COL23A1: variants seen among roughly 807,000 people sequenced by gnomAD.
COL23A1 encodes the protein collagen type XXIII alpha 1 chain, also known as collagen alpha-1(XXIII) chain.
A neutral mutation model predicts 99.3 loss-of-function variants in COL23A1; 97 were observed. The observed-to-expected ratio is 0.98, with a 90% CI of 0.83 to 1.16. The LOEUF is 1.16. Ranked by LOEUF, COL23A1 falls within the 50% of genes most tolerant of loss-of-function variation. COL23A1 has a pLI of 0.00. For synonymous variants in COL23A1, 320 were observed against 308.2 expected, an observed-to-expected ratio of 1.04 and a Z score of -0.40; for missense variants, 762 against 757.4, an observed-to-expected ratio of 1.01 and a Z score of -0.07.
At chr5:178,339,563 G>C (rs2127659490) in intron 2 of COL23A1, among the ~76,000 whole-genome samples, 1 of 152,344 alleles carries the variant, frequency 6.6e-6, no homozygotes, top group East Asian at 1.9e-4. Flanking sequence ...GTGGTGGAGA[G>C]GCATTCTCAC....
At chr5:178,404,867 G>C (rs542414052) in intron 2 of COL23A1, among the ~76,000 whole-genome samples, 5 of 152,170 alleles carry the variant, frequency 3.3e-5, no homozygotes, top group Non-Finnish European at 5.9e-5. Flanking sequence ...CAGTCAGGAA[G>C]ACAAACCTAG....
intron 2 of COL23A1, among the ~76,000 whole-genome samples, chr5:178,442,196 CTCTT>C (rs1249168415): frequency 2.0e-5 from 3 of 151,874 alleles, no homozygotes; most frequent in Non-Finnish European, 4.4e-5. Context: ...CCATCTCTCT[CTCTT>C]TGTCTTAGGA....
chr5:178,588,990 C>A (rs1764132886), intron 1 of COL23A1, among the ~76,000 whole-genome samples: 1 of 152,172 alleles, frequency 6.6e-6, no homozygotes, highest in Non-Finnish European at 1.5e-5. Context: ...GAGGCTCTGG[C>A]CAGCCCACCA....
In COL23A1 at chr5:178,407,269, T is replaced by G. The variant is rs1764814564; in HGVS notation, c.362-100350A>C. On this transcript the variant is annotated intron_variant, in intron 2 of 28. Transcript: ENST00000390654. ...CACCACCTTAAGTGTCAATGGAAGCTCAGTTGAAAAGTTGGACTTTCACCC... is the reference window on the plus strand; with the variant it reads ...CACCACCTTAAGTGTCAATGGAAGCGCAGTTGAAAAGTTGGACTTTCACCC... Among the ~76,000 whole-genome samples, 3 of 152,124 alleles carry G rather than the reference T, an allele frequency of 2.0e-5. 1 individual carries two copies. The South Asian group carries it at 6.2e-4, about 32-fold the overall frequency.
In COL23A1 at chr5:178,307,263, G is replaced by A. The variant is rs1581123374; in HGVS notation, c.362-344C>T. Among the ~76,000 whole-genome samples the A allele has an allele frequency of 6.6e-6, 1 of 152,232 alleles. No homozygotes were observed. The highest frequency in any genetic ancestry group is 1.5e-5 in the Non-Finnish European group (1 of 68,056). On this transcript the variant is annotated intron_variant, in intron 2 of 28. Coordinates refer to ENST00000390654, the MANE Select transcript of COL23A1 (RefSeq NM_173465.4). This position sits in a 1 kb window ranked among gnomAD's most constrained non-coding sequence, Gnocchi z 4.2. ...TCCTGAGGCAGATGCGTTTGCAGCTGAGAAACTTCAGACTTAGGAGGAAAG... is the reference window on the plus strand; with the variant it reads ...TCCTGAGGCAGATGCGTTTGCAGCTAAGAAACTTCAGACTTAGGAGGAAAG...
intron 2 of COL23A1, among the ~76,000 whole-genome samples, chr5:178,401,222 A>G (rs1444478685): frequency 6.6e-6 from 1 of 152,206 alleles, no homozygotes; most frequent in African/African-American, 2.4e-5. Context: ...CATCGTATGG[A>G]TGGATCACAG....
At chr5:178,545,477 G>GGGT (rs1227127899) in intron 2 of COL23A1, among the ~76,000 whole-genome samples, 3 of 152,160 alleles carry the variant, frequency 2.0e-5, no homozygotes, top group African/African-American at 7.2e-5. Context: ...AAAGAACAGT[G>GGGT]GGTGCCAGGG....
rs559825741 is a variant in COL23A1, at chr5:178,526,220, T to G, written c.361+34462A>C. On this transcript the variant is annotated intron_variant, in intron 2 of 28. Transcript: ENST00000390654. Reference sequence around the variant, plus strand: ...TCCAAAATCCTTCCCATACTTCCAGTAGTACCCTTCTGGCTGCCCCGGGAA... The same window carrying G: ...TCCAAAATCCTTCCCATACTTCCAGGAGTACCCTTCTGGCTGCCCCGGGAA... 2.6e-5 allele frequency among the ~76,000 whole-genome samples: 4 copies of G among 152,274 alleles called. No homozygotes were observed. In the East Asian group the frequency reaches 7.7e-4, roughly 29 times the overall value.
intron 2 of COL23A1, among the ~76,000 whole-genome samples, chr5:178,467,489 GTGCAATCTGTGCTC>G (rs1317547460): frequency 6.6e-6 from 1 of 152,168 alleles, no homozygotes; most frequent in East Asian, 1.9e-4. Context: ...TTTGTGTAGA[GTGCAATCTGTGCTC>G]TAATAGCTAT....
intron 27 of COL23A1, among the ~76,000 whole-genome samples, chr5:178,240,361 A>AG (rs147451743): frequency 0.024 from 3,718 of 152,126 alleles, 174 homozygotes; most frequent in African/African-American, 0.085. Context: ...ATGGAAAGGA[A>AG]GCAGAAGCGA....
intron 2 of COL23A1, chr5:178,345,125 C>A (rs1760888110): frequency 3.3e-6 from 2 of 606,126 alleles, no homozygotes; most frequent in South Asian, 2.9e-5. Context: ...GGAAGATGGT[C>A]ATCTAAAGTT....
At chr5:178,531,046 T>C (rs1312200189) in intron 2 of COL23A1, among the ~76,000 whole-genome samples, 1 of 152,178 alleles carries the variant, frequency 6.6e-6, no homozygotes, top group Non-Finnish European at 1.5e-5. Flanking sequence ...TTTGTATTTT[T>C]TAGTAGACAC....
Position 178,249,201 on chromosome 5 carries a change from G to C in COL23A1, c.1065C>G (p.Pro355=). 1.2e-6 allele frequency: 2 copies of C among 1,614,174 alleles called. No individual in the cohort carries two copies. The highest frequency in any genetic ancestry group is 2.2e-5 in the South Asian group (2 of 91,092). Residue 355 remains proline (P), a synonymous_variant, in exon 19 of 29, where the codon CCC becomes CCG. Coordinates refer to ENST00000390654, the MANE Select transcript of COL23A1 (RefSeq NM_173465.4). The part of the protein sequence containing the change: ...GAPGIDGEKG[P]KGQKGDPGEP... ...CTCCTGGGTCTCCTTTCTGTCCTTT[G>C]GGGCCCTGAAAGCCATAAGCACAAG...
At chr5:178,380,105 A>T (rs1763299419) in intron 2 of COL23A1, among the ~76,000 whole-genome samples, 1 of 151,388 alleles carries the variant, frequency 6.6e-6, no homozygotes, top group Non-Finnish European at 1.5e-5. Flanking sequence ...TATACACAAA[A>T]TTCTACATGT....
intron 1 of COL23A1, among the ~76,000 whole-genome samples, chr5:178,585,863 C>G (rs997524002): frequency 1.3e-5 from 2 of 152,234 alleles, no homozygotes; most frequent in Non-Finnish European, 2.9e-5. Context: ...CCAAAGCCTC[C>G]TATGGCGATC....
intron 2 of COL23A1, among the ~76,000 whole-genome samples, chr5:178,447,983 G>A (rs73336690): frequency 0.027 from 4,119 of 152,204 alleles, 173 homozygotes; most frequent in African/African-American, 0.09. Flanking sequence ...ACCCACACTC[G>A]AGGGTCTGAG....
chr5:178,386,671 G>A (rs1026476161), intron 2 of COL23A1, among the ~76,000 whole-genome samples: 4 of 152,104 alleles, frequency 2.6e-5, no homozygotes, highest in African/African-American at 9.7e-5. Context: ...ACTGAGACCC[G>A]GTGGGAGGGA....
chr5:178,320,016 A>G (rs1759203064), intron 2 of COL23A1, among the ~76,000 whole-genome samples: 1 of 152,130 alleles, frequency 6.6e-6, no homozygotes, highest in Admixed American at 6.5e-5. Context: ...TCCTCTGCCC[A>G]TTCCTGCATG....
intron 4 of COL23A1, among the ~76,000 whole-genome samples, chr5:178,289,809 G>A (rs902568533): frequency 2.0e-5 from 3 of 152,332 alleles, no homozygotes; most frequent in Non-Finnish European, 2.9e-5. Flanking sequence ...CTAGGAAAAT[G>A]GTCACAGAAC....
Sources: allele counts gnomAD v4.1 joint callset (sites outside exome capture counted in the v4.1 genomes callset), GRCh38; gene constraint gnomAD v4.1.1; non-coding constraint Gnocchi (gnomAD v3.1); transcripts MANE v1.5; gene names NCBI Gene and HGNC (gene_info 2026-07-23, HGNC 2026-07-21).